The following SRCAP variants were observed in gnomAD, a reference collection of about 807,000 sequenced individuals.
SRCAP encodes Snf2 related CREBBP activator protein.
SRCAP carries 46 observed loss-of-function variants against 263.1 expected under a neutral mutation model. The ratio of observed to expected loss-of-function variants is 0.17; its 90% confidence interval spans 0.14 to 0.22. The LOEUF is 0.22. SRCAP is among the 10% of genes least tolerant of loss of function. The pLI is 1.00. For synonymous variants in SRCAP, 1,813 were observed against 1,662.1 expected (o/e 1.09, Z -2.21); for missense variants, 3,695 against 4,181.9 (o/e 0.88, Z 3.21).
At chr16:30,721,113 G>T in intron 20 of SRCAP, 76 bp from the exon 21 acceptor site, 1 of 1,543,170 alleles carries the variant, frequency 6.5e-7, no homozygotes, top group Non-Finnish European at 8.7e-7. Context: ...GGTTGGAAGG[G>T]AGTATGGAGG....
intron 31 of SRCAP, among the ~76,000 whole-genome samples, chr16:30,735,697 C>G (rs1388950778): frequency 2.0e-5 from 3 of 151,456 alleles, no homozygotes; most frequent in Non-Finnish European, 4.4e-5. Context: ...TCTCCTGCCT[C>G]AGCCTCCTGT....
intron 21 of SRCAP, among the ~76,000 whole-genome samples, 186 bp downstream of exon 21, chr16:30,721,662 C>T (rs367731751): frequency 3.2e-4 from 49 of 152,256 alleles, no homozygotes; most frequent in African/African-American, 1.0e-3. Context: ...GCCATGGTTA[C>T]GCCACTGCAA....
At chr16:30,702,865 A>G (rs1428486652) in intron 3 of SRCAP, among the ~76,000 whole-genome samples, 1 of 150,722 alleles carries the variant, frequency 6.6e-6, no homozygotes, top group Non-Finnish European at 1.5e-5. Flanking sequence ...CGGCCTCCCA[A>G]AGTCCACCGA....
At chr16:30,729,621 G>A (rs760251050) in intron 27 of SRCAP, 49 bp downstream of exon 27, 4 of 1,595,376 alleles carry the variant, frequency 2.5e-6, no homozygotes, top group South Asian at 1.1e-5. Context: ...TCTTTTCTTA[G>A]TATTAAGACT....
In SRCAP at chr16:30,721,403, C is replaced by T; in HGVS notation, c.3468C>T (p.Thr1156=). Reference sequence around the variant, plus strand: ...CTACCACCACGGCAACTGCTACCACCACAGCAGTGCCAGCTCCGACTCCTG... The same window carrying T: ...CTACCACCACGGCAACTGCTACCACTACAGCAGTGCCAGCTCCGACTCCTG... ...TTSTTTATAT[T]TAVPAPTPAP... is the part of the protein sequence containing the mutation. The change falls in exon 21 of 34, where the codon ACC becomes ACT. Residue 1156 remains threonine (T), a synonymous_variant. Coordinates refer to ENST00000262518, the MANE Select transcript of SRCAP (RefSeq NM_006662.3). The T allele has an allele frequency of 1.2e-6, 2 of 1,613,812 alleles. No homozygotes were observed. The highest frequency in any genetic ancestry group is 1.7e-6 in the Non-Finnish European group (2 of 1,180,040).
chr16:30,700,720 T>C lies in SRCAP; in HGVS notation c.-105T>C. The C allele has an allele frequency of 8.5e-7, 1 of 1,171,328 alleles. No individual in the cohort carries two copies. The highest frequency in any genetic ancestry group is 1.2e-6 in the Non-Finnish European group (1 of 813,096). The allele number at this position is 1,171,328 out of a possible 1,614,324, so 72.6% of individuals were successfully genotyped here. A position where few individuals can be genotyped will look rare whatever the true frequency, so the allele number is the denominator to read the frequency against. On this transcript the variant is annotated 5_prime_UTR_variant, in exon 3 of 34. Transcript: ENST00000262518. ...GCCGGTGGCCCAGAATGAGGCCAGC[T>C]CCCAGCATGCCCTGCAGCCGGACGC...
At chr16:30,708,437 G>T (rs187286813) in intron 6 of SRCAP, among the ~76,000 whole-genome samples, 1 of 151,744 alleles carries the variant, frequency 6.6e-6, no homozygotes, top group African/African-American at 2.4e-5. Flanking sequence ...GTCTCACCCC[G>T]TCACCTAGGG....
chr16:30,717,646 C>G (rs932898181), intron 18 of SRCAP, among the ~76,000 whole-genome samples: 2 of 138,274 alleles, frequency 1.4e-5, no homozygotes, highest in Non-Finnish European at 3.0e-5. Flanking sequence ...CGGAGTCTCG[C>G]TCTGTCCTCA....
Position 30,737,646 on chromosome 16 carries a change from A to G in SRCAP, c.7606A>G (p.Ile2536Val), listed in dbSNP as rs1567253764. The change falls in exon 34 of 34, where the codon ATC (isoleucine) becomes GTC (valine). Residue 2536 changes from isoleucine (I) to valine (V), a missense_variant. Around this residue, in one of 12 missense-constraint regions of SRCAP, gnomAD observed 1,207 missense variants for 1,142.9 expected, o/e 1.06. Coordinates refer to ENST00000262518, the MANE Select transcript of SRCAP (RefSeq NM_006662.3). ...PLLLGPPSVP[I>V]SASVTNLPLG... is the part of the protein sequence containing the mutation. ...CTTGCTTGGTCCACCTTCTGTGCCC[A>G]TCTCTGCCTCAGTCACTAATCTCCC... The G allele has an allele frequency of 1.2e-6, 2 of 1,613,976 alleles. No homozygotes were observed. The highest frequency in any genetic ancestry group is 2.2e-5 in the East Asian group (1 of 44,868).
In SRCAP at chr16:30,738,888, A is replaced by G. The variant is rs972064685; in HGVS notation, c.8848A>G (p.Ile2950Val). ...GRPPKARDLP[I>V]PGTISSAGDG... ...ACCCCCTAAAGCACGAGATTTGCCC[A>G]TCCCTGGGACCATTTCCTCTGCAGG... The change falls in exon 34 of 34, where the codon ATC becomes GTC. Residue 2950 changes from isoleucine (I) to valine (V), a missense_variant. Transcript: ENST00000262518. 5.6e-6 allele frequency: 9 copies of G among 1,614,030 alleles called. No homozygotes were observed. The highest frequency in any genetic ancestry group is 5.0e-5 in the Admixed American group (3 of 60,004).
At position 30,737,837 on chromosome 16, in the gene SRCAP, C is replaced by A. The variant is rs762046869; in HGVS notation, c.7797C>A (p.Asn2599Lys). The A allele has an allele frequency of 3.1e-6, 5 of 1,614,042 alleles. No individual in the cohort carries two copies. In the Admixed American group the frequency reaches 6.7e-5, roughly 22 times the overall value. The change falls in exon 34 of 34, where the codon AAC (asparagine) becomes AAA (lysine). Residue 2599 changes from asparagine to lysine, a missense_variant. Coordinates refer to ENST00000262518, the MANE Select transcript of SRCAP (RefSeq NM_006662.3). Reference protein sequence around the residue: ...AVEILPVSEKNLSLTPSAPSL... With the variant: ...AVEILPVSEKKLSLTPSAPSL... ...AGATCCTGCCTGTGTCAGAGAAGAA[C>A]CTTTCTCTCACCCCTTCTGCACCCA...
Position 30,725,046 on chromosome 16 carries a change from C to G in SRCAP, c.5622C>G (p.Arg1874=). ...ATSFGGPRPR[R]QPPPPPRSPF... The stretch of plus-strand genomic sequence containing the variant: ...CGTTTGGTGGCCCCCGGCCTCGACG[C>G]CAGCCCCCCCCACCACCTCGTTCCC... Residue 1874 remains arginine (R), a synonymous_variant, in exon 25 of 34, where the codon CGC becomes CGG. Coordinates refer to ENST00000262518, the MANE Select transcript of SRCAP (RefSeq NM_006662.3). 6.2e-7 allele frequency: 1 copy of G among 1,613,212 alleles called. No homozygotes were observed. The highest frequency in any genetic ancestry group is 8.5e-7 in the Non-Finnish European group (1 of 1,179,316).
At position 30,734,718 on chromosome 16, in the gene SRCAP, C is replaced by T. The variant is rs1357062907; in HGVS notation, c.6729+103C>T. On this transcript the variant is annotated intron_variant, in intron 31 of 33. Transcript: ENST00000262518. ...TGTCCAGGGGAAAGAGATGTTTCTT[C>T]TGCTTCCCAGATTACAGTCAGCCTT... The T allele has an allele frequency of 4.6e-6, 7 of 1,531,716 alleles. No individual in the cohort carries two copies. In the East Asian group the frequency reaches 6.8e-5, roughly 15 times the overall value. 94.9% of individuals were successfully genotyped at this position (1,531,716 alleles called of 1,614,324 possible).
Position 30,707,351 on chromosome 16 carries a change from C to T in SRCAP, c.475C>T (p.Arg159Trp), listed in dbSNP as rs1380298049. ...ADFAQERRWKRGVARKVVRMV... is the reference protein window; with the variant it reads ...ADFAQERRWKWGVARKVVRMV... ...CTTTGCTCAGGAGCGCCGTTGGAAACGGGGTGTGGCCCGGAAGGTAGGTCT... is the reference window on the plus strand; with the variant it reads ...CTTTGCTCAGGAGCGCCGTTGGAAATGGGGTGTGGCCCGGAAGGTAGGTCT... Residue 159 changes from arginine (R) to tryptophan (W), a missense_variant, in exon 5 of 34, where the codon CGG becomes TGG. Arg to Trp is a moderately radical substitution (Grantham distance 101, BLOSUM62 -3). Around this residue, in one of 12 missense-constraint regions of SRCAP, gnomAD observed 107 missense variants for 223.8 expected, o/e 0.48. Coordinates refer to ENST00000262518, the MANE Select transcript of SRCAP (RefSeq NM_006662.3). 3.1e-6 allele frequency: 5 copies of T among 1,614,088 alleles called. No homozygotes were observed. Among genetic ancestry groups the T allele is most frequent in the Admixed American group, 1.7e-5 (1 of 60,002 alleles).
At position 30,737,663 on chromosome 16, in the gene SRCAP, T is replaced by A; in HGVS notation, c.7623T>A (p.Thr2541=). The A allele has an allele frequency of 1.2e-6, 2 of 1,614,136 alleles. No individual in the cohort carries two copies. Among genetic ancestry groups the A allele is most frequent in the Non-Finnish European group, 1.7e-6 (2 of 1,180,038 alleles). The change falls in exon 34 of 34, where the codon ACT becomes ACA. Residue 2541 remains threonine (T), a synonymous_variant. Coordinates refer to ENST00000262518, the MANE Select transcript of SRCAP (RefSeq NM_006662.3). ...CTGTGCCCATCTCTGCCTCAGTCAC[T>A]AATCTCCCCTTGGGCTTGAGGCCTG... is the stretch of plus-strand genomic sequence containing the variant. The part of the protein sequence containing the change: ...PPSVPISASV[T]NLPLGLRPEA...
intron 31 of SRCAP, among the ~76,000 whole-genome samples, chr16:30,734,926 T>TG (rs573637649): frequency 3.0e-4 from 45 of 152,162 alleles, no homozygotes; most frequent in Admixed American, 1.4e-3. Flanking sequence ...CAGGGCATGG[T>TG]GGGTAGCTCA....
At position 30,722,384 on chromosome 16, in the gene SRCAP, C is replaced by T. The variant is rs893650893; in HGVS notation, c.3706+98C>T. 5 of 1,541,520 alleles carry T rather than the reference C, an allele frequency of 3.2e-6. No homozygotes were observed. In the Admixed American group the frequency reaches 9.8e-5, roughly 30 times the overall value. On this transcript the variant is annotated intron_variant, in intron 22 of 33. Transcript: ENST00000262518. ...AATGTCAGCCTTTATGTTTCTTACC[C>T]AAGCTTTTGGTGGGTGGGGCCAACG... is the stretch of plus-strand genomic sequence containing the variant.
intron 24 of SRCAP, 125 bp downstream of exon 24, chr16:30,723,354 G>GC (rs2053030162): frequency 6.9e-7 from 1 of 1,444,086 alleles, no homozygotes; most frequent in South Asian, 1.4e-5. Flanking sequence ...TTTGTAGTGG[G>GC]CCCCAGAACT....
rs2053035618 is a variant in SRCAP, at chr16:30,723,839, T to A, written c.4415T>A (p.Leu1472Gln). ...PLTVSASGPA[L>Q]LTSVTPPLAP... ...ACTGTTTCTGCTTCGGGCCCAGCTCTGTTGACCAGTGTGACTCCACCATTG... is the reference window on the plus strand; with the variant it reads ...ACTGTTTCTGCTTCGGGCCCAGCTCAGTTGACCAGTGTGACTCCACCATTG... The change falls in exon 25 of 34, where the codon CTG becomes CAG. Residue 1472 changes from leucine to glutamine, a missense_variant. This residue lies in a region of SRCAP where 1,347 missense variants were observed against 1,304.4 expected (regional missense o/e 1.03). Coordinates refer to ENST00000262518, the MANE Select transcript of SRCAP (RefSeq NM_006662.3). 6.2e-7 allele frequency: 1 copy of A among 1,614,138 alleles called. No homozygotes were observed. The highest frequency in any genetic ancestry group is 8.5e-7 in the Non-Finnish European group (1 of 1,180,020).
Sources: allele counts gnomAD v4.1 joint callset (sites outside exome capture counted in the v4.1 genomes callset), GRCh38; gene constraint gnomAD v4.1.1; regional missense constraint gnomAD v4.1.1; transcripts MANE v1.5; gene names NCBI Gene and HGNC (gene_info 2026-07-23, HGNC 2026-07-21).